SYK: variants seen among roughly 807,000 people sequenced by gnomAD.
SYK encodes the protein spleen associated tyrosine kinase.
In SYK, 16 loss-of-function variants were observed where a neutral mutation model predicts 77.8. That is an observed-to-expected ratio of 0.21 (90% CI 0.14 to 0.31). The LOEUF (loss-of-function observed/expected upper bound fraction) is 0.31. SYK is among the 10% of genes least tolerant of loss of function. The pLI, the probability that SYK is intolerant of heterozygous loss-of-function variation, is 1.00. For missense variants in SYK, 529 were observed against 814.4 expected (o/e 0.65, Z 4.26); for synonymous variants, 312 against 308.7 (o/e 1.01, Z -0.11).
At chr9:90,815,013 T>C (rs549720055) in intron 1 of SYK, among the ~76,000 whole-genome samples, 1 of 152,212 alleles carries the variant, frequency 6.6e-6, no homozygotes, top group East Asian at 1.9e-4. Flanking sequence ...GAATAGTTTC[T>C]GAAAGAACAA....
chr9:90,857,996 C>T (rs1035859385), intron 3 of SYK, among the ~76,000 whole-genome samples: 14 of 152,234 alleles, frequency 9.2e-5, no homozygotes, highest in African/African-American at 3.4e-4. Context: ...ATGTGCCCGG[C>T]TTTTCTGTTC....
chr9:90,877,623 G>T lies in SYK; in HGVS notation c.1234G>T (p.Ala412Ser), dbSNP rs201438493. 6.2e-7 allele frequency: 1 copy of T among 1,614,218 alleles called. No individual in the cohort carries two copies. Among genetic ancestry groups the T allele is most frequent in the Non-Finnish European group, 8.5e-7 (1 of 1,180,034 alleles). ...ACTGAAAAACGAGGCCAATGACCCC[G>T]CTCTTAAAGATGAGTTATTAGCAGA... ...KILKNEANDPALKDELLAEAN... is the reference protein window; with the variant it reads ...KILKNEANDPSLKDELLAEAN... The change falls in exon 10 of 14, where the codon GCT becomes TCT. Residue 412 changes from alanine to serine, a missense_variant. Physicochemically the swap from Ala to Ser is moderately conservative, Grantham distance 99. Transcript: ENST00000375754.
intron 6 of SYK, among the ~76,000 whole-genome samples, chr9:90,865,891 C>CTGT (rs1827467409): frequency 4.9e-5 from 3 of 61,264 alleles, no homozygotes; most frequent in African/African-American, 2.1e-4. Context: ...TACATATGGC[C>CTGT]TTTTTTTTTT....
At chr9:90,866,166 T>G (rs1468926091) in intron 6 of SYK, among the ~76,000 whole-genome samples, 4 of 152,244 alleles carry the variant, frequency 2.6e-5, no homozygotes, top group Non-Finnish European at 5.9e-5. Flanking sequence ...CCCAAAGTGC[T>G]GGGATTACAG....
intron 1 of SYK, among the ~76,000 whole-genome samples, chr9:90,830,730 C>T (rs970230656): frequency 3.9e-5 from 6 of 152,132 alleles, no homozygotes; most frequent in East Asian, 3.9e-4. Flanking sequence ...GGACTACAGG[C>T]GCCCACCACC....
chr9:90,874,999 C>T (rs549041390), intron 9 of SYK, 150 bp downstream of exon 9: 34 of 994,568 alleles, frequency 3.4e-5, no homozygotes, highest in East Asian at 8.0e-5. Context: ...ATAATGAAAG[C>T]GTCCATTACC....
intron 11 of SYK, among the ~76,000 whole-genome samples, chr9:90,884,597 A>G (rs1277098949): frequency 2.2e-4 from 14 of 62,454 alleles, no homozygotes; most frequent in African/African-American, 9.4e-4. Flanking sequence ...ACATATGTGT[A>G]CATGTACATA....
chr9:90,862,474 A>T, intron 4 of SYK, 130 bp downstream of exon 4: 1 of 1,069,052 alleles, frequency 9.4e-7, no homozygotes, highest in Non-Finnish European at 1.3e-6. Context: ...GGCCAGCAGT[A>T]GCTCTGGAGC....
rs1828427787 is a variant in SYK at position 90,884,764 on chromosome 9, CAT to C, written c.1582-2984_1582-2983del. ...ATATACACATATACACATATGTGTA[CAT>C]GCACATATACACATGTGTACATGCA... On this transcript the variant is annotated intron_variant, in intron 11 of 13. Coordinates refer to ENST00000375754, the MANE Select transcript of SYK (RefSeq NM_003177.7). Among the ~76,000 whole-genome samples the C allele has an allele frequency of 9.9e-5, 2 of 20,206 alleles. 1 individual carries two copies. Among genetic ancestry groups the C allele is most frequent in the African/African-American group, 1.3e-3 (2 of 1,506 alleles). 13.3% of individuals were successfully genotyped at this position (20,206 alleles called of 152,430 possible).
intron 1 of SYK, among the ~76,000 whole-genome samples, chr9:90,807,994 G>T (rs541326983): frequency 2.0e-5 from 3 of 152,280 alleles, no homozygotes; most frequent in African/African-American, 7.2e-5. Context: ...ATATGTTGGG[G>T]TGCGGGGAGG....
intron 11 of SYK, among the ~76,000 whole-genome samples, chr9:90,882,088 T>C (rs1026828719): frequency 2.0e-5 from 3 of 152,234 alleles, no homozygotes; most frequent in African/African-American, 7.2e-5. Context: ...CCTAGTTTTA[T>C]GACCAGAAAA....
chr9:90,868,641 C>T (rs992716429), intron 7 of SYK, among the ~76,000 whole-genome samples: 1 of 152,104 alleles, frequency 6.6e-6, no homozygotes, highest in Non-Finnish European at 1.5e-5. Context: ...AAGAGAAATG[C>T]AAGTTAAAAC....
At position 90,884,732 on chromosome 9, in the gene SYK, C is replaced by T. The variant is rs1462237206; in HGVS notation, c.1582-3017C>T. 2.5e-4 allele frequency among the ~76,000 whole-genome samples: 6 copies of T among 24,046 alleles called. 2 individuals carry two copies. Among genetic ancestry groups the T allele is most frequent in the Admixed American group, 8.4e-4 (2 of 2,390 alleles). The allele number at this position is 24,046 out of a possible 152,430, so 15.8% of individuals were successfully genotyped here. A position where few individuals can be genotyped will look rare whatever the true frequency, so the allele number is the denominator to read the frequency against. On this transcript the variant is annotated intron_variant, in intron 11 of 13. Coordinates refer to ENST00000375754, the MANE Select transcript of SYK (RefSeq NM_003177.7). ...ATATACACATATACACATATGTGTACATGTACATATACACATATACACATA... is the reference window on the plus strand; with the variant it reads ...ATATACACATATACACATATGTGTATATGTACATATACACATATACACATA...
At chr9:90,844,593 A>C (rs1272190695) in intron 2 of SYK, among the ~76,000 whole-genome samples, 1 of 152,208 alleles carries the variant, frequency 6.6e-6, no homozygotes, top group Non-Finnish European at 1.5e-5. Flanking sequence ...GCCTTTTCAG[A>C]GAGGCATTGA....
intron 1 of SYK, among the ~76,000 whole-genome samples, chr9:90,835,246 G>C (rs1384149762): frequency 2.0e-5 from 3 of 152,214 alleles, no homozygotes; most frequent in African/African-American, 7.2e-5. Context: ...TGAGTGTGGG[G>C]GATGTGTTTT....
intron 9 of SYK, among the ~76,000 whole-genome samples, chr9:90,876,221 A>G (rs563675834): frequency 2.5e-4 from 38 of 150,510 alleles, no homozygotes; most frequent in African/African-American, 9.1e-4. Flanking sequence ...TGGGAGGAAG[A>G]GGTTGCAGCC....
rs112742261 is a variant in SYK, at chr9:90,837,396, C to T, written c.-41-6462C>T. On this transcript the variant is annotated intron_variant, in intron 1 of 13. Transcript: ENST00000375754. ...ATGCTTTTGAGAAGTTAACTATGTG[C>T]GGGGGTGGCCAAGGTAGGCCGAAGC... 1.9e-3 allele frequency among the ~76,000 whole-genome samples: 282 copies of T among 151,962 alleles called. 1 individual carries two copies. The highest frequency in any genetic ancestry group is 6.4e-3 in the African/African-American group (266 of 41,450).
At chr9:90,878,340 A>G (rs753450333) in intron 10 of SYK, among the ~76,000 whole-genome samples, 6 of 152,112 alleles carry the variant, frequency 3.9e-5, no homozygotes, top group Admixed American at 6.5e-5. Flanking sequence ...AGCTTGCCTC[A>G]TTTGCTGTGC....
chr9:90,844,167 A>G lies in SYK; in HGVS notation c.269A>G (p.His90Arg). Reference protein sequence around the residue: ...RTHASPADLCHYHSQESDGLV... With the variant: ...RTHASPADLCRYHSQESDGLV... ...CATGCCAGCCCCGCCGACCTCTGCCACTACCACTCCCAGGAGTCTGATGGC... is the reference window on the plus strand; with the variant it reads ...CATGCCAGCCCCGCCGACCTCTGCCGCTACCACTCCCAGGAGTCTGATGGC... Residue 90 changes from histidine to arginine, a missense_variant, in exon 2 of 14, where the codon CAC becomes CGC. Physicochemically the swap from His to Arg is conservative, Grantham distance 29. Transcript: ENST00000375754. 6.2e-7 allele frequency: 1 copy of G among 1,614,220 alleles called. No homozygotes were observed. Among genetic ancestry groups the G allele is most frequent in the African/African-American group, 1.3e-5 (1 of 75,080 alleles).
Sources: allele counts gnomAD v4.1 joint callset (sites outside exome capture counted in the v4.1 genomes callset), GRCh38; gene constraint gnomAD v4.1.1; transcripts MANE v1.5; gene names NCBI Gene and HGNC (gene_info 2026-07-23, HGNC 2026-07-21).